The following PLPP4 variants were observed in gnomAD, a reference collection of about 807,000 sequenced individuals.
The protein encoded by PLPP4 is diacylglycerol pyrophosphate like 2.
A neutral mutation model predicts 32.2 loss-of-function variants in PLPP4; 20 were observed. That is an observed-to-expected ratio of 0.62 (90% CI 0.44 to 0.90). The LOEUF is 0.90. Among genes scored for constraint, PLPP4 ranks in the 40% least tolerant of loss-of-function variants. PLPP4 has a pLI of 0.00. For missense variants in PLPP4, 257 were observed against 353.1 expected (o/e 0.73, Z 2.18); for synonymous variants, 127 against 133.0 (o/e 0.95, Z 0.31).
intron 5 of PLPP4, among the ~76,000 whole-genome samples, chr10:120,562,277 A>C (rs1848471187): frequency 6.6e-6 from 1 of 152,122 alleles, no homozygotes; most frequent in Non-Finnish European, 1.5e-5. Context: ...TTGGTATATT[A>C]ATTTTATTAA....
chr10:120,512,292 T>C (rs566321162), intron 2 of PLPP4, among the ~76,000 whole-genome samples: 8 of 152,284 alleles, frequency 5.3e-5, no homozygotes, highest in African/African-American at 1.9e-4. Flanking sequence ...TCTGTAGCAG[T>C]TCTGAATCTC....
intron 5 of PLPP4, among the ~76,000 whole-genome samples, chr10:120,528,166 C>T (rs1846508644): frequency 6.8e-6 from 1 of 147,098 alleles, no homozygotes; most frequent in Middle Eastern, 3.7e-3. Context: ...GCTCCGCCTG[C>T]CGGGTTCACG....
chr10:120,528,407 T>C lies in PLPP4; in HGVS notation c.445+7312T>C, dbSNP rs557845868. Reference sequence around the variant, plus strand: ...CCTTTCTTTTAAGAATTGTATAAAATGGCATGGGCTGCTTAGGTCATTTGT... The same window carrying C: ...CCTTTCTTTTAAGAATTGTATAAAACGGCATGGGCTGCTTAGGTCATTTGT... On this transcript the variant is annotated intron_variant, in intron 5 of 6. Transcript: ENST00000398250. Among the ~76,000 whole-genome samples the C allele has an allele frequency of 3.9e-5, 6 of 152,252 alleles. 1 individual carries two copies. Among genetic ancestry groups the C allele is most frequent in the African/African-American group, 1.2e-4 (5 of 41,554 alleles).
chr10:120,566,764 AGGCT>A (rs1021567246), intron 5 of PLPP4, among the ~76,000 whole-genome samples: 2 of 152,184 alleles, frequency 1.3e-5, no homozygotes, highest in Admixed American at 6.5e-5. Flanking sequence ...TATGTTAGCC[AGGCT>A]GGTCCCGAAC....
chr10:120,525,267 C>T (rs1240110064), intron 5 of PLPP4, among the ~76,000 whole-genome samples: 1 of 152,196 alleles, frequency 6.6e-6, no homozygotes, highest in African/African-American at 2.4e-5. Flanking sequence ...GTCGCCCATG[C>T]TCCAAACAGA....
chr10:120,547,549 T>C (rs1035751227), intron 5 of PLPP4, among the ~76,000 whole-genome samples: 46 of 152,230 alleles, frequency 3.0e-4, no homozygotes, highest in African/African-American at 1.1e-3. Context: ...AGTGTTGCTT[T>C]CCGTTGTTTC....
chr10:120,527,163 CAATT>C (rs536054112), intron 5 of PLPP4, among the ~76,000 whole-genome samples: 80 of 152,140 alleles, frequency 5.3e-4, no homozygotes, highest in Non-Finnish European at 9.0e-4. Context: ...AGCAATCAAT[CAATT>C]GATTGATTTA....
intron 5 of PLPP4, among the ~76,000 whole-genome samples, chr10:120,565,315 GGTGTGTGTGTGTGTGTGTGTGT>G (rs58655566): frequency 1.2e-4 from 17 of 142,718 alleles, no homozygotes; most frequent in East Asian, 8.2e-4. Context: ...TTGTTTGTGT[GGTGTGTGTGTGTGTGTGTGTGT>G]GTGTGTGTGT....
intron 1 of PLPP4, among the ~76,000 whole-genome samples, chr10:120,476,428 T>G (rs1843912845): frequency 6.6e-6 from 1 of 152,238 alleles, no homozygotes; most frequent in African/African-American, 2.4e-5. Context: ...TCTCACTTTA[T>G]AAATGGCGAA....
chr10:120,576,115 G>A (rs1298521475), intron 6 of PLPP4, among the ~76,000 whole-genome samples: 1 of 152,188 alleles, frequency 6.6e-6, no homozygotes, highest in Non-Finnish European at 1.5e-5. Flanking sequence ...TGGAGCAGTG[G>A]CCTAGAATCT....
intron 2 of PLPP4, among the ~76,000 whole-genome samples, chr10:120,507,827 G>A (rs1347603911): frequency 1.3e-5 from 2 of 152,136 alleles, no homozygotes; most frequent in African/African-American, 4.8e-5. Flanking sequence ...TTCAGTGGAT[G>A]GTTATGAAAC....
intron 5 of PLPP4, among the ~76,000 whole-genome samples, chr10:120,559,306 A>AT (rs34289712): frequency 4.0e-4 from 59 of 147,186 alleles, no homozygotes; most frequent in South Asian, 8.6e-4. Context: ...TTTCATGTTC[A>AT]TTTTTTTTTT....
chr10:120,576,631 G>A (rs746649194), intron 6 of PLPP4, among the ~76,000 whole-genome samples: 69 of 152,310 alleles, frequency 4.5e-4, no homozygotes, highest in Non-Finnish European at 7.2e-4. Flanking sequence ...AAGGGTATAG[G>A]GAAAGAGATG....
intron 4 of PLPP4, 69 bp downstream of exon 4, chr10:120,518,965 AG>A (rs899331007): frequency 3.9e-6 from 5 of 1,268,482 alleles, no homozygotes; most frequent in Non-Finnish European, 5.7e-6. Context: ...GCTGGGCCAG[AG>A]GACACTGGAT....
chr10:120,533,857 C>T (rs1379286121), intron 5 of PLPP4, among the ~76,000 whole-genome samples: 2 of 152,032 alleles, frequency 1.3e-5, no homozygotes, highest in Non-Finnish European at 2.9e-5. Context: ...GGTTTCATTT[C>T]CTTAGTCCAA....
intron 5 of PLPP4, among the ~76,000 whole-genome samples, chr10:120,528,128 G>A (rs1980835): frequency 7.1e-6 from 1 of 141,486 alleles, no homozygotes; most frequent in South Asian, 2.3e-4. Context: ...AGGCTGGAGT[G>A]CAGCGGCGCG....
At chr10:120,559,893 T>C (rs543067680) in intron 5 of PLPP4, among the ~76,000 whole-genome samples, 3 of 152,208 alleles carry the variant, frequency 2.0e-5, no homozygotes, top group Non-Finnish European at 2.9e-5. Flanking sequence ...AACTTGAAGC[T>C]GCAGTATTAA....
At position 120,495,635 on chromosome 10, in the gene PLPP4, A is replaced by AT. The variant is rs537423976; in HGVS notation, c.57-8174dup. On this transcript the variant is annotated intron_variant, in intron 1 of 6. Coordinates refer to ENST00000398250, the MANE Select transcript of PLPP4 (RefSeq NM_001030059.3). ...TTATCATGTGTCTTCAAGTGTTACT[A>AT]TTTTTTTTTCTTCAGATCTCAGGGG... is the stretch of plus-strand genomic sequence containing the variant. Among the ~76,000 whole-genome samples, 257 of 151,100 alleles carry AT rather than the reference A, an allele frequency of 1.7e-3. 1 individual carries two copies. The highest frequency in any genetic ancestry group is 2.3e-3 in the Non-Finnish European group (157 of 67,692).
At chr10:120,506,444 A>G (rs1845493137) in intron 2 of PLPP4, among the ~76,000 whole-genome samples, 1 of 152,216 alleles carries the variant, frequency 6.6e-6, no homozygotes. Context: ...TGGTAATAGA[A>G]CATCCATTTT....
Sources: gnomAD v4.1 joint callset for allele counts (sites outside exome capture counted in the v4.1 genomes callset) on GRCh38, gnomAD v4.1.1 for gene constraint, MANE v1.5 for transcripts, NCBI Gene and HGNC (gene_info 2026-07-23, HGNC 2026-07-21) for gene names.